LARGE1: variants seen among roughly 807,000 people sequenced by gnomAD.
LARGE1 encodes the protein LARGE xylosyl- and glucuronyltransferase 1.
A neutral mutation model predicts 87.6 loss-of-function variants in LARGE1; 43 were observed. The observed-to-expected ratio is 0.49, with a 90% CI of 0.38 to 0.63. LARGE1 has a LOEUF of 0.63. Among genes scored for constraint, LARGE1 ranks in the 30% least tolerant of loss-of-function variants. The pLI is 0.00. For missense variants in LARGE1, 802 were observed against 1,000.2 expected, an observed-to-expected ratio of 0.80 and a Z score of 2.67; for synonymous variants, 434 against 394.6, an observed-to-expected ratio of 1.10 and a Z score of -1.18.
intron 12 of LARGE1, among the ~76,000 whole-genome samples, chr22:33,301,674 G>T (rs1046001894): frequency 1.3e-5 from 2 of 152,222 alleles, no homozygotes; most frequent in South Asian, 4.1e-4. Context: ...TGGGAAGAAA[G>T]TAATAAAGTT....
At chr22:33,322,742 C>T (rs1353567174) in intron 10 of LARGE1, 4 of 152,256 alleles carry the variant, frequency 2.6e-5, no homozygotes, top group Non-Finnish European at 4.4e-5. Flanking sequence ...GCATCCACAT[C>T]CCAAGCTCAC....
intron 2 of LARGE1, among the ~76,000 whole-genome samples, chr22:33,693,807 G>A (rs2082167085): frequency 6.6e-6 from 1 of 152,020 alleles, no homozygotes; most frequent in South Asian, 2.1e-4. Flanking sequence ...CTGGGCAACG[G>A]GGCGAGACTC....
chr22:33,075,833 G>T, the LARGE1 span, among the ~76,000 whole-genome samples: 1 of 152,078 alleles, frequency 6.6e-6, no homozygotes, highest in African/African-American at 2.4e-5. Flanking sequence ...CATAACAAAT[G>T]GAAAATTTTC....
At chr22:33,752,226 C>T (rs1257092555) in intron 2 of LARGE1, among the ~76,000 whole-genome samples, 3 of 152,064 alleles carry the variant, frequency 2.0e-5, no homozygotes, top group African/African-American at 7.2e-5. Context: ...AGGGGTAGAG[C>T]TAAGGGATCA....
chr22:33,613,420 G>C (rs1175774136), intron 4 of LARGE1, among the ~76,000 whole-genome samples: 1 of 152,124 alleles, frequency 6.6e-6, no homozygotes, highest in African/African-American at 2.4e-5. Flanking sequence ...CTGTCAACCA[G>C]ATGGCCCCAC....
At chr22:33,363,764 T>C (rs1005730039) in intron 9 of LARGE1, among the ~76,000 whole-genome samples, 1 of 150,052 alleles carries the variant, frequency 6.7e-6, no homozygotes, top group Non-Finnish European at 1.5e-5. Flanking sequence ...TTTGGAGCCA[T>C]GACGAAGTAA....
chr22:33,787,964 A>C (rs1387492270), intron 1 of LARGE1, among the ~76,000 whole-genome samples: 1 of 152,206 alleles, frequency 6.6e-6, no homozygotes, highest in African/African-American at 2.4e-5. Flanking sequence ...GCCAAACACT[A>C]TAAAGGGATA....
upstream of LARGE1, among the ~76,000 whole-genome samples, chr22:33,922,121 C>G (rs755372920): frequency 5.3e-5 from 8 of 152,118 alleles, no homozygotes; most frequent in Non-Finnish European, 1.0e-4. Context: ...CCTCTGCGCG[C>G]CTCTCCGCTC....
chr22:33,758,674 G>A (rs561778639), intron 2 of LARGE1, among the ~76,000 whole-genome samples: 12 of 152,194 alleles, frequency 7.9e-5, no homozygotes, highest in African/African-American at 2.2e-4. Flanking sequence ...TCACTCCACC[G>A]GCCACGATGG....
At chr22:33,444,795 C>A (rs1279085427) in intron 6 of LARGE1, among the ~76,000 whole-genome samples, 1 of 152,090 alleles carries the variant, frequency 6.6e-6, no homozygotes, top group African/African-American at 2.4e-5. Flanking sequence ...ACAAGCAGGG[C>A]TGAGGCGGTC....
intron 1 of LARGE1, among the ~76,000 whole-genome samples, chr22:33,839,008 G>A (rs1314628902): frequency 6.6e-6 from 1 of 152,200 alleles, no homozygotes; most frequent in Non-Finnish European, 1.5e-5. Context: ...AAATAGCCCA[G>A]TCCATAGACC....
chr22:33,735,432 T>C (rs926527131), intron 2 of LARGE1, among the ~76,000 whole-genome samples: 1 of 152,220 alleles, frequency 6.6e-6, no homozygotes, highest in African/African-American at 2.4e-5. Context: ...GATTTTCTCC[T>C]GTTAATCTAT....
In LARGE1 at chr22:33,401,499, C is replaced by A. The variant is rs533790782; in HGVS notation, c.893-17195G>T. ...AAAAATAAAAAGAAAAAGAAAATCT[C>A]CATGCCAACCAGCCAGTCAGCAGAT... On this transcript the variant is annotated intron_variant, in intron 7 of 14. Transcript: ENST00000397394. 3.9e-5 allele frequency among the ~76,000 whole-genome samples: 6 copies of A among 152,284 alleles called. No homozygotes were observed. In the East Asian group the frequency reaches 1.2e-3, roughly 29 times the overall value.
chr22:33,593,752 C>A (rs540830508), intron 5 of LARGE1, among the ~76,000 whole-genome samples: 1 of 152,126 alleles, frequency 6.6e-6, no homozygotes, highest in African/African-American at 2.4e-5. Flanking sequence ...CAGGTTGAAA[C>A]GATACTATTT....
chr22:33,257,302 G>A (rs1368245891), intron 11 of LARGE1, among the ~76,000 whole-genome samples: 2 of 152,318 alleles, frequency 1.3e-5, no homozygotes, highest in African/African-American at 4.8e-5. Context: ...GGAGGTGGAG[G>A]TGGGTGGATC....
intron 5 of LARGE1, among the ~76,000 whole-genome samples, chr22:33,577,977 T>C (rs1378004474): frequency 3.9e-5 from 6 of 152,226 alleles, no homozygotes; most frequent in African/African-American, 1.4e-4. Flanking sequence ...GAAAAGATGA[T>C]GGCTTCACTC....
chr22:33,461,727 G>A (rs62225315), intron 6 of LARGE1, among the ~76,000 whole-genome samples: 18,188 of 150,256 alleles, frequency 0.12, 1,446 homozygotes, highest in East Asian at 0.28. Flanking sequence ...TGCCTGGCAC[G>A]CACACACACA....
intron 6 of LARGE1, among the ~76,000 whole-genome samples, chr22:33,508,277 A>T (rs1442059785): frequency 6.6e-6 from 1 of 152,198 alleles, no homozygotes; most frequent in Non-Finnish European, 1.5e-5. Context: ...GGCAAGGCAC[A>T]GGGGCCACTG....
At chr22:33,397,484 G>A (rs1420948446) in intron 7 of LARGE1, among the ~76,000 whole-genome samples, 2 of 152,176 alleles carry the variant, frequency 1.3e-5, no homozygotes, top group Non-Finnish European at 2.9e-5. Context: ...GAATCATACA[G>A]TATGTGCCCT....
Sources: gnomAD v4.1 joint callset for allele counts (sites outside exome capture counted in the v4.1 genomes callset) on GRCh38, gnomAD v4.1.1 for gene constraint, MANE v1.5 for transcripts, NCBI Gene and HGNC (gene_info 2026-07-23, HGNC 2026-07-21) for gene names.